PTPRM: variants seen among roughly 807,000 people sequenced by gnomAD.
PTPRM encodes the protein receptor-type tyrosine-protein phosphatase mu.
A neutral mutation model predicts 186.7 loss-of-function variants in PTPRM; 47 were observed. The observed-to-expected ratio is 0.25, with a 90% CI of 0.20 to 0.32. PTPRM has a LOEUF of 0.32. Ranked by LOEUF, PTPRM falls within the 10% of genes least tolerant of loss-of-function variation. The pLI, the probability that PTPRM is intolerant of heterozygous loss-of-function variation, is 1.00. For missense variants in PTPRM, 1,494 were observed against 1,865.0 expected, an observed-to-expected ratio of 0.80 and a Z score of 3.66; for synonymous variants, 668 against 674.9, an observed-to-expected ratio of 0.99 and a Z score of 0.16.
chr18:7,881,898 C>T (rs1294349355), intron 2 of PTPRM, among the ~76,000 whole-genome samples: 1 of 152,120 alleles, frequency 6.6e-6, no homozygotes, highest in Admixed American at 6.5e-5. Flanking sequence ...TCTTCTGCAA[C>T]GTTCTTTCGT....
chr18:7,795,810 C>CTTTTTTTTTT (rs397741769), intron 2 of PTPRM, among the ~76,000 whole-genome samples: 2 of 117,768 alleles, frequency 1.7e-5, no homozygotes, highest in Non-Finnish European at 1.8e-5. Flanking sequence ...TTCTTTCTTT[C>CTTTTTTTTTT]TTTTTTTTTT....
chr18:7,973,299 A>C (rs1458289191), intron 7 of PTPRM, among the ~76,000 whole-genome samples: 4 of 152,202 alleles, frequency 2.6e-5, no homozygotes, highest in Admixed American at 2.6e-4. Context: ...AGACTTTAGT[A>C]GGTGCTGTCA....
chr18:8,054,895 C>T (rs1006615303), intron 7 of PTPRM, among the ~76,000 whole-genome samples: 2 of 151,992 alleles, frequency 1.3e-5, no homozygotes, highest in Non-Finnish European at 1.5e-5. Context: ...AGTTTTGCTA[C>T]GTATATAGTT....
At chr18:7,643,682 T>C (rs371617110) in intron 1 of PTPRM, among the ~76,000 whole-genome samples, 3 of 152,136 alleles carry the variant, frequency 2.0e-5, no homozygotes, top group Admixed American at 6.6e-5. Context: ...TCTATTTTTT[T>C]GGGGTGATTT....
At chr18:8,252,614 C>A in intron 18 of PTPRM, 115 bp downstream of exon 18, 2 of 1,029,698 alleles carry the variant, frequency 1.9e-6, no homozygotes, top group Non-Finnish European at 3.1e-6. Context: ...TGCATGTTTG[C>A]CTTTGTAGAA....
At chr18:7,980,389 A>G (rs1321990795) in intron 7 of PTPRM, among the ~76,000 whole-genome samples, 1 of 150,456 alleles carries the variant, frequency 6.6e-6, no homozygotes, top group Non-Finnish European at 1.5e-5. Context: ...CTTTTTTTTT[A>G]TTTTTAGTAT....
rs572513700 is a variant in PTPRM at position 7,695,390 on chromosome 18, TTG to T, written c.74-78755_74-78754del. Reference sequence around the variant, plus strand: ...TAGAGATGGGCTGCCTCACAATCATTTGTGTTATTGCATCTCATGCTGATCAA... The same window carrying T: ...TAGAGATGGGCTGCCTCACAATCATTTGTTATTGCATCTCATGCTGATCAA... On this transcript the variant is annotated intron_variant, in intron 1 of 32. Coordinates refer to ENST00000580170, the MANE Select transcript of PTPRM (RefSeq NM_001105244.2). Among the ~76,000 whole-genome samples, 567 of 152,288 alleles carry T rather than the reference TTG, an allele frequency of 3.7e-3. 5 individuals are homozygous for T. The highest frequency in any genetic ancestry group is 0.013 in the African/African-American group (553 of 41,568).
intron 14 of PTPRM, among the ~76,000 whole-genome samples, chr18:8,192,687 A>G (rs893717503): frequency 2.0e-5 from 3 of 152,236 alleles, no homozygotes; most frequent in Non-Finnish European, 4.4e-5. Context: ...AAATAAATGT[A>G]GAAATGATAA....
intron 19 of PTPRM, among the ~76,000 whole-genome samples, chr18:8,277,238 C>A (rs772286587): frequency 7.9e-5 from 12 of 151,996 alleles, no homozygotes; most frequent in Non-Finnish European, 1.6e-4. Flanking sequence ...TTTATTTTTT[C>A]CCAATATAGA....
At chr18:7,859,202 T>C (rs2047229392) in intron 2 of PTPRM, among the ~76,000 whole-genome samples, 1 of 152,212 alleles carries the variant, frequency 6.6e-6, no homozygotes. Context: ...CATATATGTA[T>C]AGATATATAT....
intron 14 of PTPRM, among the ~76,000 whole-genome samples, chr18:8,189,658 AC>A (rs1166587091): frequency 6.6e-6 from 1 of 152,162 alleles, no homozygotes; most frequent in Non-Finnish European, 1.5e-5. Context: ...AAGGTGGCTT[AC>A]CTGAGTGAGG....
At chr18:8,344,446 G>GTATATATATATATATATATATATATATA (rs1412437272) in intron 23 of PTPRM, among the ~76,000 whole-genome samples, 6 of 16,614 alleles carry the variant, frequency 3.6e-4, no homozygotes, top group South Asian at 3.0e-3. Flanking sequence ...GTGTGTGTGT[G>GTATATATATATATATATATATATATATA]TGTATATATA....
intron 19 of PTPRM, among the ~76,000 whole-genome samples, chr18:8,268,541 A>T (rs1195290676): frequency 1.3e-5 from 2 of 152,090 alleles, no homozygotes; most frequent in Non-Finnish European, 2.9e-5. Flanking sequence ...TGCTTCCAAA[A>T]AAGTTGAAGA....
intron 23 of PTPRM, among the ~76,000 whole-genome samples, chr18:8,357,923 CTTTT>C (rs2095572222): frequency 6.6e-6 from 1 of 152,090 alleles, no homozygotes; most frequent in African/African-American, 2.4e-5. Context: ...AACCATATAA[CTTTT>C]TTCTCCAATC....
At chr18:7,900,787 GA>G (rs1213114651) in intron 3 of PTPRM, among the ~76,000 whole-genome samples, 3 of 152,132 alleles carry the variant, frequency 2.0e-5, no homozygotes, top group African/African-American at 7.2e-5. Flanking sequence ...ATTGATGGGG[GA>G]AAATTAGATA....
At chr18:7,884,393 C>G (rs1372071795) in intron 2 of PTPRM, among the ~76,000 whole-genome samples, 1 of 152,132 alleles carries the variant, frequency 6.6e-6, no homozygotes, top group Non-Finnish European at 1.5e-5. Flanking sequence ...TTGGCAGAGA[C>G]TTTTCCTCTA....
At chr18:8,344,448 G>GTGTGTATGTATATATATATATA (rs1360655194) in intron 23 of PTPRM, among the ~76,000 whole-genome samples, 2 of 33,420 alleles carry the variant, frequency 6.0e-5, no homozygotes, top group African/African-American at 1.5e-4. Context: ...GTGTGTGTGT[G>GTGTGTATGTATATATATATATA]TATATATATA....
intron 7 of PTPRM, chr18:8,049,512 T>C (rs2087312247): frequency 6.6e-6 from 1 of 152,196 alleles, no homozygotes. Flanking sequence ...GTTCGCTATA[T>C]ATTATATTGT....
chr18:7,827,461 T>G (rs903768564), intron 2 of PTPRM, among the ~76,000 whole-genome samples: 2 of 152,220 alleles, frequency 1.3e-5, no homozygotes, highest in Non-Finnish European at 1.5e-5. Context: ...TGTACTCTGG[T>G]TTACAAGACT....
Sources: allele counts gnomAD v4.1 joint callset (sites outside exome capture counted in the v4.1 genomes callset), GRCh38; gene constraint gnomAD v4.1.1; transcripts MANE v1.5; gene names NCBI Gene and HGNC (gene_info 2026-07-23, HGNC 2026-07-21).